The following RIC1 variants were observed in gnomAD, a reference collection of about 807,000 sequenced individuals.
RIC1 encodes guanine nucleotide exchange factor subunit RIC1.
In RIC1, 88 loss-of-function variants were observed where a neutral mutation model predicts 169.0. The observed-to-expected ratio is 0.52, with a 90% CI of 0.44 to 0.62. The LOEUF (loss-of-function observed/expected upper bound fraction) is 0.62, where lower values mean the gene tolerates loss of function less well. Ranked by LOEUF, RIC1 falls within the 20% of genes least tolerant of loss-of-function variation. The pLI is 0.00. For missense variants in RIC1, 1,877 were observed against 1,725.5 expected (o/e 1.09, Z -1.56); for synonymous variants, 790 against 601.5 (o/e 1.31, Z -4.59).
intron 2 of RIC1, among the ~76,000 whole-genome samples, chr9:5,682,487 C>G (rs139280894): frequency 0.018 from 2,675 of 152,224 alleles, 75 homozygotes; most frequent in African/African-American, 0.06. Context: ...AATATTGGCC[C>G]TCACTCTCTT....
At position 5,689,297 on chromosome 9, in the gene RIC1, C is replaced by T. The variant is rs201662350; in HGVS notation, c.253-662C>T. On this transcript the variant is annotated intron_variant, in intron 2 of 25. Transcript: ENST00000414202. ...TGATCTCCTGACCTCGTGATCTGCC[C>T]GCCTTGGCCTCCCAAAATACTGGGA... Among the ~76,000 whole-genome samples, 997 of 151,990 alleles carry T rather than the reference C, an allele frequency of 6.6e-3. 9 individuals carry two copies. Among genetic ancestry groups the T allele is most frequent in the Non-Finnish European group, 8.7e-3 (594 of 67,970 alleles).
At position 5,674,260 on chromosome 9, in the gene RIC1, TAAAA is replaced by T. The variant is rs746894024; in HGVS notation, c.253-15692_253-15689del. ...TGAACATGGAGAAATTTGTCATTCA[TAAAA>T]AAAAAATTTAACAAAAATTCATTTA... is the stretch of plus-strand genomic sequence containing the variant. On this transcript the variant is annotated intron_variant, in intron 2 of 25. Coordinates refer to ENST00000414202, the MANE Select transcript of RIC1 (RefSeq NM_020829.4). Among the ~76,000 whole-genome samples the T allele has an allele frequency of 2.1e-4, 31 of 150,118 alleles. No individual in the cohort carries two copies. In the East Asian group the frequency reaches 3.3e-3, roughly 16 times the overall value.
chr9:5,676,676 G>A (rs1372797405), intron 2 of RIC1, among the ~76,000 whole-genome samples: 9 of 152,040 alleles, frequency 5.9e-5, no homozygotes, highest in Non-Finnish European at 1.5e-5. Context: ...TTTTAATGGG[G>A]TTTAAAGAAA....
intron 7 of RIC1, among the ~76,000 whole-genome samples, chr9:5,737,319 A>G (rs1322397976): frequency 6.9e-6 from 1 of 145,332 alleles, no homozygotes; most frequent in African/African-American, 2.4e-5. Context: ...AAGTAATTAT[A>G]TATACCATAT....
intron 1 of RIC1, among the ~76,000 whole-genome samples, chr9:5,643,035 C>A (rs935766339): frequency 4.6e-5 from 7 of 152,136 alleles, no homozygotes; most frequent in African/African-American, 1.7e-4. Flanking sequence ...CATGGTGGCT[C>A]ACACCTGTAA....
Position 5,674,602 on chromosome 9 carries a change from T to TA in RIC1, c.253-15353dup, listed in dbSNP as rs1192962222. Among the ~76,000 whole-genome samples the TA allele has an allele frequency of 5.9e-5, 9 of 152,310 alleles. No individual in the cohort carries two copies. The East Asian group carries it at 1.2e-3, about 20-fold the overall frequency. Reference sequence around the variant, plus strand: ...TTGTTCCTGAGCTGATAACTACAGATAAAAGGTTAGGTTACCTACTCCACA... The same window carrying TA: ...TTGTTCCTGAGCTGATAACTACAGATAAAAAGGTTAGGTTACCTACTCCACA... On this transcript the variant is annotated intron_variant, in intron 2 of 25. Transcript: ENST00000414202.
intron 3 of RIC1, among the ~76,000 whole-genome samples, chr9:5,700,613 A>T (rs2130768942): frequency 6.6e-6 from 1 of 151,632 alleles, no homozygotes; most frequent in Non-Finnish European, 1.5e-5. Context: ...AATAAATTAT[A>T]TATTTTGTTT....
At chr9:5,689,198 G>A (rs1228427295) in intron 2 of RIC1, among the ~76,000 whole-genome samples, 5 of 151,730 alleles carry the variant, frequency 3.3e-5, no homozygotes, top group Admixed American at 2.0e-4. Context: ...ACAGGCGCCT[G>A]CCACCACGCC....
chr9:5,761,097 G>C (rs1355158546), intron 17 of RIC1, among the ~76,000 whole-genome samples: 2 of 141,430 alleles, frequency 1.4e-5, no homozygotes, highest in Non-Finnish European at 3.0e-5. Context: ...CAGTTTACCA[G>C]CCTCACCTTT....
At chr9:5,718,669 T>G (rs34639943) in intron 4 of RIC1, among the ~76,000 whole-genome samples, 2,533 of 152,344 alleles carry the variant, frequency 0.017, 30 homozygotes, top group Non-Finnish European at 0.026. Flanking sequence ...CATAAACTTT[T>G]TATACTCTAC....
intron 2 of RIC1, among the ~76,000 whole-genome samples, chr9:5,679,325 TCTTTTTTG>T (rs935443381): frequency 2.0e-5 from 3 of 152,292 alleles, no homozygotes; most frequent in African/African-American, 7.2e-5. Flanking sequence ...CAATGCAGGC[TCTTTTTTG>T]GTTCCATATG....
At chr9:5,700,118 G>A (rs924538014) in intron 3 of RIC1, among the ~76,000 whole-genome samples, 2 of 146,208 alleles carry the variant, frequency 1.4e-5, no homozygotes, top group African/African-American at 2.6e-5. Flanking sequence ...TGACATTTCT[G>A]TTCTTTCCTT....
rs536848146 is a variant in RIC1 at position 5,726,897 on chromosome 9, C to G, written c.721-5491C>G. Among the ~76,000 whole-genome samples, 10 of 152,326 alleles carry G rather than the reference C, an allele frequency of 6.6e-5. No homozygotes were observed. The South Asian group carries it at 2.1e-3, about 32-fold the overall frequency. The stretch of plus-strand genomic sequence containing the variant: ...AATATTGGCCCCCACTATCTTCTGG[C>G]TTGTAGAGTTTCTGCTTAGAGATCT... On this transcript the variant is annotated intron_variant, in intron 6 of 25. Coordinates refer to ENST00000414202, the MANE Select transcript of RIC1 (RefSeq NM_020829.4).
intron 1 of RIC1, among the ~76,000 whole-genome samples, chr9:5,643,753 C>G (rs1818368371): frequency 6.6e-6 from 1 of 152,042 alleles, no homozygotes; most frequent in Non-Finnish European, 1.5e-5. Context: ...TTAAAGTGTT[C>G]CACCTGTATT....
chr9:5,733,670 T>G (rs1264041527), intron 7 of RIC1, among the ~76,000 whole-genome samples: 1 of 152,176 alleles, frequency 6.6e-6, no homozygotes, highest in East Asian at 1.9e-4. Context: ...CTCAATACAT[T>G]GATCCTCATT....
chr9:5,704,699 A>G (rs896292292), intron 3 of RIC1, among the ~76,000 whole-genome samples: 4 of 152,004 alleles, frequency 2.6e-5, no homozygotes, highest in African/African-American at 7.2e-5. Context: ...TTATATATAT[A>G]TTTTGTTCCT....
At chr9:5,726,205 T>A (rs1440239753) in intron 6 of RIC1, among the ~76,000 whole-genome samples, 1 of 152,168 alleles carries the variant, frequency 6.6e-6, no homozygotes, top group Non-Finnish European at 1.5e-5. Context: ...TTTGTAGGTC[T>A]CTAAGGACTT....
Position 5,629,158 on chromosome 9 carries a change from G to T in RIC1, c.-152G>T, listed in dbSNP as rs1586846022. Reference sequence around the variant, plus strand: ...GCCTTCGTCGCGCAGCCTTGCGTCGGCCCGGCCCGGCCAGGCCAGCGGGCA... The same window carrying T: ...GCCTTCGTCGCGCAGCCTTGCGTCGTCCCGGCCCGGCCAGGCCAGCGGGCA... On this transcript the variant is annotated 5_prime_UTR_variant, in exon 1 of 26. Coordinates refer to ENST00000414202, the MANE Select transcript of RIC1 (RefSeq NM_020829.4). The T allele has an allele frequency of 1.5e-6, 1 of 679,976 alleles. No homozygotes were observed. Among genetic ancestry groups the T allele is most frequent in the South Asian group, 5.4e-5 (1 of 18,400 alleles). The allele number at this position is 679,976 out of a possible 1,614,324, so 42.1% of individuals were successfully genotyped here.
At chr9:5,677,195 A>T (rs1021477925) in intron 2 of RIC1, among the ~76,000 whole-genome samples, 31 of 152,346 alleles carry the variant, frequency 2.0e-4, no homozygotes, top group African/African-American at 6.7e-4. Context: ...GTGGTAGGGT[A>T]TGCCTTTTTA....
Sources: gnomAD v4.1 joint callset for allele counts (sites outside exome capture counted in the v4.1 genomes callset) on GRCh38, gnomAD v4.1.1 for gene constraint, MANE v1.5 for transcripts, NCBI Gene and HGNC (gene_info 2026-07-23, HGNC 2026-07-21) for gene names.